The following TENM2 variants were observed in gnomAD, a reference collection of about 807,000 sequenced individuals.
TENM2 encodes the protein teneurin transmembrane protein 2.
A neutral mutation model predicts 245.2 loss-of-function variants in TENM2; 52 were observed. The ratio of observed to expected loss-of-function variants is 0.21; its 90% CI spans 0.17 to 0.27. The LOEUF is 0.27. TENM2 is among the 10% of genes least tolerant of loss of function. The pLI, the probability that TENM2 is intolerant of heterozygous loss-of-function variation, is 1.00. For synonymous variants in TENM2, 1,363 were observed against 1,438.9 expected (o/e 0.95, Z 1.19); for missense variants, 3,046 against 3,666.8 (o/e 0.83, Z 4.37).
At chr5:167,839,784 A>G (rs907824227) in intron 2 of TENM2, among the ~76,000 whole-genome samples, 1 of 152,164 alleles carries the variant, frequency 6.6e-6, no homozygotes, top group African/African-American at 2.4e-5. Flanking sequence ...TTCCAATGTT[A>G]GGAAAAAAAT....
the TENM2 span, among the ~76,000 whole-genome samples, chr5:167,158,462 G>C: frequency 6.6e-6 from 1 of 152,234 alleles, no homozygotes; most frequent in South Asian, 2.1e-4. Flanking sequence ...TTGGGGTCTA[G>C]GTCTTTCTGT....
At chr5:167,053,848 C>T in the TENM2 span, among the ~76,000 whole-genome samples, 2 of 151,936 alleles carry the variant, frequency 1.3e-5, no homozygotes, top group African/African-American at 4.8e-5. Flanking sequence ...CAGGTATAGC[C>T]CTTTATTTTG....
At chr5:168,080,633 T>G (rs892777259) in intron 7 of TENM2, among the ~76,000 whole-genome samples, 1 of 152,212 alleles carries the variant, frequency 6.6e-6, no homozygotes, top group African/African-American at 2.4e-5. Context: ...ATGTTGTGTC[T>G]TTGTTCTCGT....
intron 7 of TENM2, among the ~76,000 whole-genome samples, chr5:168,070,468 T>C (rs1790889442): frequency 6.6e-6 from 1 of 152,028 alleles, no homozygotes; most frequent in Non-Finnish European, 1.5e-5. Context: ...ATTTTTAAAA[T>C]ATCTAAATAC....
chr5:167,373,963 C>G (rs1277325225), intron 1 of TENM2, among the ~76,000 whole-genome samples: 1 of 152,134 alleles, frequency 6.6e-6, no homozygotes, highest in Non-Finnish European at 1.5e-5. Flanking sequence ...ATCATGAGTT[C>G]CCCCTATAGG....
intron 2 of TENM2, among the ~76,000 whole-genome samples, chr5:167,616,493 C>G (rs1268856842): frequency 6.6e-6 from 1 of 152,016 alleles, no homozygotes; most frequent in Non-Finnish European, 1.5e-5. Flanking sequence ...TCCTGAAAAC[C>G]CTCTTTTGGT....
At chr5:167,199,732 C>T in the TENM2 span, among the ~76,000 whole-genome samples, 1 of 152,022 alleles carries the variant, frequency 6.6e-6, no homozygotes, top group Non-Finnish European at 1.5e-5. Context: ...ATCGTTTTGA[C>T]ATGTTCCCCA....
chr5:167,628,869 A>G (rs1778686257), intron 2 of TENM2, among the ~76,000 whole-genome samples: 1 of 152,054 alleles, frequency 6.6e-6, no homozygotes, highest in Non-Finnish European at 1.5e-5. Flanking sequence ...TTTCTTTATT[A>G]CTCATTGACT....
At chr5:168,049,256 A>G (rs934520852) in intron 6 of TENM2, among the ~76,000 whole-genome samples, 6 of 152,216 alleles carry the variant, frequency 3.9e-5, no homozygotes, top group African/African-American at 4.8e-5. Context: ...TTTCAAGATG[A>G]CAATAGTGCT....
intron 1 of TENM2, among the ~76,000 whole-genome samples, chr5:167,316,298 T>C (rs576244583): frequency 6.6e-6 from 1 of 152,290 alleles, no homozygotes; most frequent in Non-Finnish European, 1.5e-5. Flanking sequence ...GAATGAATTG[T>C]GAAAGATCAC....
chr5:167,823,496 C>T (rs1767710586), intron 2 of TENM2, among the ~76,000 whole-genome samples: 1 of 152,138 alleles, frequency 6.6e-6, no homozygotes, highest in South Asian at 2.1e-4. Context: ...CCTCCTGCAC[C>T]ATTTCTGGAA....
intron 11 of TENM2, 27 bp downstream of exon 13, chr5:168,125,077 C>T (rs2152352387): frequency 6.4e-7 from 1 of 1,567,608 alleles, no homozygotes; most frequent in Middle Eastern, 2.2e-4. Flanking sequence ...TCTCCTTCCT[C>T]TCTCCAACAC....
exon 16 of TENM2, chr5:168,199,072 T>C: frequency 1.9e-6 from 3 of 1,613,900 alleles, no homozygotes; most frequent in Non-Finnish European, 2.5e-6. Flanking sequence ...CCACCTTCTT[T>C]AGTGCTGCCC....
At chr5:167,806,185 A>G (rs1293586102) in intron 2 of TENM2, among the ~76,000 whole-genome samples, 6 of 152,174 alleles carry the variant, frequency 3.9e-5, no homozygotes, top group African/African-American at 1.4e-4. Flanking sequence ...TTTAGGCTTG[A>G]GCTTTAAAAG....
At chr5:168,111,469 C>T (rs1328251750) in intron 9 of TENM2, among the ~76,000 whole-genome samples, 3 of 152,166 alleles carry the variant, frequency 2.0e-5, no homozygotes, top group Non-Finnish European at 4.4e-5. Flanking sequence ...CAGAGATGAG[C>T]ATCACAGTCA....
chr5:167,584,446 T>C (rs6867320), intron 2 of TENM2, among the ~76,000 whole-genome samples: 5,945 of 152,262 alleles, frequency 0.039, 281 homozygotes, highest in African/African-American at 0.1. Context: ...AATGAAGACT[T>C]GGCCCATGAC....
In TENM2 at chr5:167,588,920, G is replaced by A. The variant is rs531485596; in HGVS notation, c.502+213447G>A. 1.1e-4 allele frequency among the ~76,000 whole-genome samples: 17 copies of A among 152,306 alleles called. 1 individual carries two copies. The highest frequency in any genetic ancestry group is 4.1e-4 in the African/African-American group (17 of 41,570). On this transcript the variant is annotated intron_variant, in intron 2 of 28. Coordinates refer to ENST00000518659, the Ensembl canonical transcript of TENM2. ...AAGAAATATAAAAATCAGATGACAG[G>A]CCAGGCATGGTGGCTCACGCCTATA...
the TENM2 span, among the ~76,000 whole-genome samples, chr5:167,095,049 T>C: frequency 6.6e-6 from 1 of 152,330 alleles, no homozygotes; most frequent in African/African-American, 2.4e-5. Context: ...TTATGTACTC[T>C]AATTCACAGA....
At chr5:167,921,952 A>T (rs946092265) in intron 3 of TENM2, among the ~76,000 whole-genome samples, 1 of 152,202 alleles carries the variant, frequency 6.6e-6, no homozygotes, top group Admixed American at 6.5e-5. Flanking sequence ...GCCAGGATGC[A>T]CAATCACACT....
Sources: allele counts gnomAD v4.1 joint callset (sites outside exome capture counted in the v4.1 genomes callset), GRCh38; gene constraint gnomAD v4.1.1; transcripts MANE v1.5; gene names NCBI Gene and HGNC (gene_info 2026-07-23, HGNC 2026-07-21).